E2F6: variants seen among roughly 807,000 people sequenced by gnomAD.
The protein encoded by E2F6 is transcription factor E2F6.
A neutral mutation model predicts 31.5 loss-of-function variants in E2F6; 19 were observed. That is an observed-to-expected ratio of 0.60 (90% confidence interval 0.42 to 0.89). The LOEUF (loss-of-function observed/expected upper bound fraction) is 0.89. E2F6 is among the 40% of genes least tolerant of loss of function. The pLI, the probability that E2F6 is intolerant of heterozygous loss-of-function variation, is 0.00. For synonymous variants in E2F6, 121 were observed against 127.7 expected, an observed-to-expected ratio of 0.95 and a Z score of 0.36; for missense variants, 269 against 341.6, an observed-to-expected ratio of 0.79 and a Z score of 1.67.
At chr2:11,453,960 G>A (rs1671234403) in intron 2 of E2F6, among the ~76,000 whole-genome samples, 162 bp from the exon 3 acceptor site, 1 of 152,088 alleles carries the variant, frequency 6.6e-6, no homozygotes, top group Admixed American at 6.5e-5. Context: ...CTCTTAAATT[G>A]GAGAAAAAAT....
At chr2:11,463,703 G>A (rs1671927531) in intron 1 of E2F6, among the ~76,000 whole-genome samples, 1 of 152,160 alleles carries the variant, frequency 6.6e-6, no homozygotes, top group Non-Finnish European at 1.5e-5. Flanking sequence ...TGTAATCCCA[G>A]CACTTTGGGG....
chr2:11,455,949 AG>A (rs1161680332), intron 2 of E2F6, among the ~76,000 whole-genome samples: 2 of 152,172 alleles, frequency 1.3e-5, no homozygotes, highest in African/African-American at 4.8e-5. Context: ...ACAGAGGGTG[AG>A]GGGCTGAAGT....
At chr2:11,447,347 G>A (rs1237211753) in intron 6 of E2F6, among the ~76,000 whole-genome samples, 3 of 152,150 alleles carry the variant, frequency 2.0e-5, no homozygotes, top group African/African-American at 4.8e-5. Context: ...TGGCCGAGTG[G>A]AGCTGCTGTT....
chr2:11,461,267 G>A (rs1340244985), intron 1 of E2F6, among the ~76,000 whole-genome samples: 1 of 151,676 alleles, frequency 6.6e-6, no homozygotes, highest in East Asian at 2.0e-4. Flanking sequence ...ATCCAAACTT[G>A]CAGGACCCCA....
At chr2:11,448,695 A>C (rs1476724293) in intron 5 of E2F6, among the ~76,000 whole-genome samples, 1 of 152,216 alleles carries the variant, frequency 6.6e-6, no homozygotes, top group Non-Finnish European at 1.5e-5. Context: ...ATTTCTTAAC[A>C]ATAACATTCC....
rs1670677703 is a variant in E2F6, at chr2:11,445,784, CA to C, written c.*692del. On this transcript the variant is annotated 3_prime_UTR_variant, in exon 7 of 7. Transcript: ENST00000381525. The stretch of plus-strand genomic sequence containing the variant: ...TGACTCCAATTTTAGCACTGAAAAC[CA>C]TATTAAAATACTTTAATTAAATCCA... The C allele has an allele frequency of 6.6e-6, 1 of 151,738 alleles. No individual in the cohort carries two copies. The highest frequency in any genetic ancestry group is 6.6e-5 in the Admixed American group (1 of 15,222). 9.4% of individuals were successfully genotyped at this position (151,738 alleles called of 1,614,324 possible).
intron 1 of E2F6, among the ~76,000 whole-genome samples, chr2:11,459,331 A>G (rs1474368810): frequency 6.6e-6 from 1 of 152,144 alleles, no homozygotes; most frequent in Non-Finnish European, 1.5e-5. Flanking sequence ...TCTCATCTAG[A>G]CAGTGGATCA....
intron 1 of E2F6, among the ~76,000 whole-genome samples, chr2:11,459,838 C>A (rs180741140): frequency 1.3e-5 from 2 of 151,860 alleles, no homozygotes; most frequent in Admixed American, 1.3e-4. Flanking sequence ...GAGCTGAGAT[C>A]GTGCCATTGC....
In E2F6 at chr2:11,457,129, T is replaced by A. The variant is rs768690858; in HGVS notation, c.163+50A>T. On this transcript the variant is annotated intron_variant, in intron 2 of 6. Transcript: ENST00000381525. ...ACACTTAAACAAATCATTTTAATCATAAGAAGTTCAAACTAACAAAACCTA... is the reference window on the plus strand; with the variant it reads ...ACACTTAAACAAATCATTTTAATCAAAAGAAGTTCAAACTAACAAAACCTA... 3 of 1,298,812 alleles carry A rather than the reference T, an allele frequency of 2.3e-6. No individual in the cohort carries two copies. The African/African-American group carries it at 4.4e-5, about 19-fold the overall frequency. The allele number at this position is 1,298,812 out of a possible 1,614,324, so 80.5% of individuals were successfully genotyped here.
chr2:11,453,747 G>C lies in E2F6; in HGVS notation c.215C>G (p.Thr72Ser). The C allele has an allele frequency of 1.2e-6, 2 of 1,614,140 alleles. No homozygotes were observed. The highest frequency in any genetic ancestry group is 1.7e-6 in the Non-Finnish European group (2 of 1,180,024). The change falls in exon 3 of 7, where the codon ACT becomes AGT. Residue 72 changes from threonine to serine, a missense_variant. Transcript: ENST00000381525. ...PRFDVSLVYL[T>S]RKFMDLVRSA... ...TCTGACAAGATCCATAAATTTTCGA[G>C]TTAAATAAACCAGCGATACATCAAA... is the stretch of plus-strand genomic sequence containing the variant.
At chr2:11,458,232 G>C (rs1334694161) in intron 1 of E2F6, 6 of 1,544,656 alleles carry the variant, frequency 3.9e-6, no homozygotes, top group East Asian at 2.4e-5. Flanking sequence ...GGTACTCTAA[G>C]AAGAGAATCA....
chr2:11,447,577 A>C (rs1367576759), intron 6 of E2F6, 50 bp downstream of exon 6: 15 of 1,584,612 alleles, frequency 9.5e-6, no homozygotes, highest in African/African-American at 1.4e-5. Flanking sequence ...CACATTAATA[A>C]AATTATGCAT....
chr2:11,448,748 T>C (rs1050434243), intron 5 of E2F6, among the ~76,000 whole-genome samples: 1 of 152,368 alleles, frequency 6.6e-6, no homozygotes, highest in East Asian at 1.9e-4. Context: ...GCTGAGATGG[T>C]AAATATTTTT....
intron 2 of E2F6, among the ~76,000 whole-genome samples, chr2:11,456,035 T>C (rs1023973142): frequency 1.3e-5 from 2 of 152,112 alleles, no homozygotes; most frequent in Non-Finnish European, 2.9e-5. Context: ...TCACAGGTGG[T>C]GTAGCTTGTG....
At chr2:11,457,398 T>G (rs1027235932) in intron 1 of E2F6, among the ~76,000 whole-genome samples, 165 bp from the exon 2 acceptor site, 19 of 152,092 alleles carry the variant, frequency 1.2e-4, no homozygotes, top group Non-Finnish European at 2.8e-4. Context: ...CCGAGGCAGG[T>G]GCATCACTGA....
At chr2:11,464,723 G>A (rs1381742592) in intron 1 of E2F6, among the ~76,000 whole-genome samples, 4 of 151,960 alleles carry the variant, frequency 2.6e-5, no homozygotes, top group African/African-American at 7.3e-5. Context: ...CAGGCAAGCC[G>A]GCGTTACATG....
chr2:11,455,522 C>G, intron 2 of E2F6: 1 of 1,222,406 alleles, frequency 8.2e-7, no homozygotes, highest in Admixed American at 2.4e-5. Context: ...GATTTTTAAT[C>G]GGAAGTAGAG....
intron 3 of E2F6, 100 bp from the exon 4 acceptor site, chr2:11,451,906 GT>G: frequency 8.5e-7 from 1 of 1,173,606 alleles, no homozygotes; most frequent in Non-Finnish European, 1.2e-6. Flanking sequence ...TGCCATAAGT[GT>G]TTTCCACAAC....
chr2:11,449,087 CA>C (rs1572488891), intron 5 of E2F6, among the ~76,000 whole-genome samples: 1 of 152,150 alleles, frequency 6.6e-6, no homozygotes, highest in East Asian at 1.9e-4. Flanking sequence ...AGGGAAAAGC[CA>C]AAAATCCATT....
Sources: allele counts gnomAD v4.1 joint callset (sites outside exome capture counted in the v4.1 genomes callset), GRCh38; gene constraint gnomAD v4.1.1; transcripts MANE v1.5; gene names NCBI Gene and HGNC (gene_info 2026-07-23, HGNC 2026-07-21).